Variants in CCSER1 observed in about 807,000 individuals in gnomAD.
CCSER1 encodes the protein serine-rich coiled-coil domain-containing protein 1.
CCSER1 carries 41 observed loss-of-function variants against 82.0 expected under a neutral mutation model. The observed-to-expected ratio is 0.50, with a 90% CI of 0.39 to 0.65. The LOEUF (loss-of-function observed/expected upper bound fraction) is 0.65, where lower values mean the gene tolerates loss of function less well. CCSER1 is among the 30% of genes least tolerant of loss of function. The pLI is 0.00. For synonymous variants in CCSER1, 414 were observed against 383.9 expected (o/e 1.08, Z -0.92); for missense variants, 1,119 against 1,064.2 (o/e 1.05, Z -0.72).
intron 7 of CCSER1, among the ~76,000 whole-genome samples, chr4:90,740,270 AT>A (rs989539965): frequency 5.3e-5 from 8 of 152,070 alleles, no homozygotes; most frequent in Non-Finnish European, 1.2e-4. Context: ...TGGTGTCAAT[AT>A]TTTTTTCTCT....
chr4:91,561,500 C>T (rs1319946662), intron 10 of CCSER1, among the ~76,000 whole-genome samples: 1 of 151,432 alleles, frequency 6.6e-6, no homozygotes, highest in Admixed American at 6.6e-5. Context: ...CCTGATCCCT[C>T]ATGTAGTCAT....
chr4:91,400,322 G>GC (rs1752238496), intron 10 of CCSER1, among the ~76,000 whole-genome samples: 1 of 151,664 alleles, frequency 6.6e-6, no homozygotes, highest in African/African-American at 2.4e-5. Context: ...AAAGTAAATA[G>GC]TATTAAGTGC....
chr4:90,356,295 A>T (rs1351216338), intron 3 of CCSER1, among the ~76,000 whole-genome samples: 1 of 151,724 alleles, frequency 6.6e-6, no homozygotes, highest in Non-Finnish European at 1.5e-5. Context: ...TTAAAAACTA[A>T]TTTTTCATTG....
intron 5 of CCSER1, among the ~76,000 whole-genome samples, chr4:90,627,018 A>G (rs548591083): frequency 8.5e-5 from 13 of 152,308 alleles, no homozygotes; most frequent in African/African-American, 2.6e-4. Context: ...TGAATGAATT[A>G]ACACACATGG....
At chr4:91,481,072 C>T (rs1378956947) in intron 10 of CCSER1, among the ~76,000 whole-genome samples, 4 of 141,640 alleles carry the variant, frequency 2.8e-5, no homozygotes, top group Middle Eastern at 3.6e-3. Flanking sequence ...TTCCCCTCCC[C>T]TCCCCACCCC....
intron 7 of CCSER1, among the ~76,000 whole-genome samples, chr4:90,730,945 T>A (rs1011088361): frequency 6.6e-6 from 1 of 152,100 alleles, no homozygotes; most frequent in East Asian, 1.9e-4. Flanking sequence ...ATTTCACATA[T>A]GATGAAAAGC....
intron 5 of CCSER1, among the ~76,000 whole-genome samples, chr4:90,518,559 A>T (rs1275596551): frequency 6.6e-6 from 1 of 152,024 alleles, no homozygotes; most frequent in Admixed American, 6.6e-5. Context: ...TTAAGTGTCC[A>T]TATACTTAGG....
intron 1 of CCSER1, among the ~76,000 whole-genome samples, chr4:90,205,292 C>T (rs1166765605): frequency 6.6e-6 from 1 of 152,154 alleles, no homozygotes; most frequent in Non-Finnish European, 1.5e-5. Flanking sequence ...GCAATGCCTC[C>T]AGCTTTTGCC....
At chr4:90,280,225 A>G (rs985766665) in intron 1 of CCSER1, among the ~76,000 whole-genome samples, 2 of 152,084 alleles carry the variant, frequency 1.3e-5, no homozygotes, top group Admixed American at 6.6e-5. Flanking sequence ...AAGTCACTAC[A>G]GTATTCCAAA....
chr4:91,429,753 TTATTA>T (rs1446723410), intron 10 of CCSER1, among the ~76,000 whole-genome samples: 4 of 151,774 alleles, frequency 2.6e-5, no homozygotes, highest in East Asian at 1.9e-4. Flanking sequence ...CATAAGAATT[TTATTA>T]TATTTTCATC....
At chr4:90,867,234 T>C (rs952002866) in intron 8 of CCSER1, among the ~76,000 whole-genome samples, 5 of 151,980 alleles carry the variant, frequency 3.3e-5, no homozygotes, top group Admixed American at 2.6e-4. Context: ...AGTAAACTTA[T>C]TTCTATCCAC....
chr4:90,604,197 C>T (rs747299986), intron 5 of CCSER1, among the ~76,000 whole-genome samples: 3 of 152,184 alleles, frequency 2.0e-5, no homozygotes, highest in Non-Finnish European at 4.4e-5. Flanking sequence ...AGATTCAAAA[C>T]CAGCTGGGAA....
chr4:90,301,472 A>G (rs183626333), intron 1 of CCSER1, among the ~76,000 whole-genome samples: 1 of 152,242 alleles, frequency 6.6e-6, no homozygotes. Flanking sequence ...AAGAGATCAA[A>G]CTGAGTTTTA....
At chr4:91,281,969 C>A (rs1470641973) in intron 10 of CCSER1, among the ~76,000 whole-genome samples, 1 of 152,008 alleles carries the variant, frequency 6.6e-6, no homozygotes, top group Non-Finnish European at 1.5e-5. Flanking sequence ...AATAATAGAG[C>A]TTTTAAAAAA....
intron 6 of CCSER1, among the ~76,000 whole-genome samples, chr4:90,630,000 A>G (rs1358671081): frequency 6.6e-6 from 1 of 152,150 alleles, no homozygotes; most frequent in African/African-American, 2.4e-5. Flanking sequence ...CATTTATGTC[A>G]TTTTGGTAGC....
At chr4:90,274,174 T>C (rs188018386) in intron 1 of CCSER1, among the ~76,000 whole-genome samples, 46 of 152,140 alleles carry the variant, frequency 3.0e-4, no homozygotes, top group Admixed American at 2.2e-3. Context: ...GAGATTTGGG[T>C]AAAAAAGAAT....
chr4:90,330,894 T>C (rs1739161481), intron 3 of CCSER1, among the ~76,000 whole-genome samples: 1 of 152,208 alleles, frequency 6.6e-6, no homozygotes, highest in Non-Finnish European at 1.5e-5. Flanking sequence ...ACATAAAAGA[T>C]GCTTGAATCT....
chr4:91,237,174 T>C (rs945806765), intron 10 of CCSER1, among the ~76,000 whole-genome samples: 1 of 152,026 alleles, frequency 6.6e-6, no homozygotes, highest in African/African-American at 2.4e-5. Context: ...ATATGTCCAT[T>C]CTTTCTTTCC....
At chr4:90,659,639 A>G (rs539920822) in intron 6 of CCSER1, among the ~76,000 whole-genome samples, 14 of 152,176 alleles carry the variant, frequency 9.2e-5, no homozygotes, top group African/African-American at 2.6e-4. Flanking sequence ...TATATTTTTA[A>G]CCAACATTGC....
Sources: allele counts gnomAD v4.1 joint callset (sites outside exome capture counted in the v4.1 genomes callset), GRCh38; gene constraint gnomAD v4.1.1; transcripts MANE v1.5; gene names NCBI Gene and HGNC (gene_info 2026-07-23, HGNC 2026-07-21).